Variants in MTA3 observed in about 807,000 individuals in gnomAD.
The protein encoded by MTA3 is metastasis-associated protein MTA3.
In MTA3, 34 loss-of-function variants were observed where a neutral mutation model predicts 83.5. The observed-to-expected ratio is 0.41, with a 90% confidence interval of 0.31 to 0.54. The LOEUF (loss-of-function observed/expected upper bound fraction) is 0.54. MTA3 is among the 20% of genes least tolerant of loss of function. The pLI is 0.33. For synonymous variants in MTA3, 303 were observed against 252.7 expected (o/e 1.20, Z -1.89); for missense variants, 761 against 726.4 (o/e 1.05, Z -0.55).
In MTA3 at chr2:42,614,703, A is replaced by G. The variant is rs112272768; in HGVS notation, c.317+5119A>G. Among the ~76,000 whole-genome samples the G allele has an allele frequency of 1.3e-3, 200 of 152,172 alleles. 1 individual carries two copies. The highest frequency in any genetic ancestry group is 4.4e-3 in the African/African-American group (183 of 41,506). On this transcript the variant is annotated intron_variant, in intron 4 of 16. Coordinates refer to ENST00000405094, the MANE Select transcript of MTA3 (RefSeq NM_001330442.2). ...AATATTCTAATATTCAGCTGGGTGC[A>G]GTGGCTCATGCCTGTAATCCTAGGA... is the stretch of plus-strand genomic sequence containing the variant.
At position 42,627,989 on chromosome 2, in the gene MTA3, AT is replaced by A. The variant is rs1407907288; in HGVS notation, c.318-12182del. 3.3e-5 allele frequency among the ~76,000 whole-genome samples: 5 copies of A among 151,758 alleles called. No individual in the cohort carries two copies. In the South Asian group the frequency reaches 6.2e-4, roughly 19 times the overall value. On this transcript the variant is annotated intron_variant, in intron 4 of 16. Transcript: ENST00000405094. ...AATCTCCGACTCCCGGGTTCAAGTG[AT>A]TCTCCCGCCTCAGCCTCCTAAGTAG... is the stretch of plus-strand genomic sequence containing the variant.
chr2:42,657,786 GC>G (rs1689300665), intron 7 of MTA3, among the ~76,000 whole-genome samples: 1 of 143,084 alleles, frequency 7.0e-6, no homozygotes. Context: ...AAAAAAAAGG[GC>G]CCGGCACAGT....
upstream of MTA3, chr2:42,494,466 G>A (rs1447886809): frequency 6.6e-6 from 1 of 152,318 alleles, no homozygotes; most frequent in Non-Finnish European, 1.5e-5. Context: ...CTCAGGGAAG[G>A]CATCCCAGCC....
chr2:42,597,870 CA>C (rs1682016508), intron 3 of MTA3, among the ~76,000 whole-genome samples: 1 of 149,006 alleles, frequency 6.7e-6, no homozygotes, highest in Non-Finnish European at 1.5e-5. Context: ...TTTGTAGAGA[CA>C]GGGTTTTGCC....
intron 8 of MTA3, among the ~76,000 whole-genome samples, chr2:42,662,809 G>A (rs1460532589): frequency 1.3e-5 from 2 of 149,528 alleles, no homozygotes; most frequent in Non-Finnish European, 3.0e-5. Flanking sequence ...TCGGCTCACT[G>A]CAATCTCCGC....
chr2:42,647,819 G>C (rs1688356311), intron 6 of MTA3, among the ~76,000 whole-genome samples: 1 of 152,152 alleles, frequency 6.6e-6, no homozygotes, highest in Admixed American at 6.5e-5. Flanking sequence ...TCAGGCAACT[G>C]AGTAGATGCA....
At chr2:42,702,952 C>A (rs1347173152) in intron 11 of MTA3, 1 of 152,326 alleles carries the variant, frequency 6.6e-6, no homozygotes, top group Admixed American at 6.5e-5. Flanking sequence ...GTAGATGTCT[C>A]TTCCCCTCCC....
chr2:42,651,001 G>A (rs899718782), intron 6 of MTA3, among the ~76,000 whole-genome samples: 1 of 152,156 alleles, frequency 6.6e-6, no homozygotes, highest in Non-Finnish European at 1.5e-5. Flanking sequence ...GATAGGTGCA[G>A]CTTACTAAAC....
intron 8 of MTA3, among the ~76,000 whole-genome samples, chr2:42,666,884 C>A (rs765516616): frequency 8.5e-5 from 13 of 152,108 alleles, no homozygotes; most frequent in Non-Finnish European, 8.8e-5. Context: ...TGAAATAGGT[C>A]ATTGCAATAT....
At chr2:42,720,936 A>T (rs145278429) in intron 15 of MTA3, among the ~76,000 whole-genome samples, 1 of 140,936 alleles carries the variant, frequency 7.1e-6, no homozygotes, top group South Asian at 2.3e-4. Flanking sequence ...CAAGTGACCA[A>T]TTGAGACCCT....
At chr2:42,603,681 G>T (rs1682856004) in intron 3 of MTA3, among the ~76,000 whole-genome samples, 1 of 152,184 alleles carries the variant, frequency 6.6e-6, no homozygotes, top group South Asian at 2.1e-4. Context: ...TTTAAGGTAA[G>T]ATTTCTTTTG....
Position 42,556,092 on chromosome 2 carries a change from CAA to C in MTA3, c.-140-14335_-140-14334del, listed in dbSNP as rs112915635. Among the ~76,000 whole-genome samples the C allele has an allele frequency of 1.5e-3, 204 of 134,692 alleles. 2 individuals carry two copies. Among genetic ancestry groups the C allele is most frequent in the African/African-American group, 5.2e-3 (193 of 37,332 alleles). 88.4% of individuals were successfully genotyped at this position (134,692 alleles called of 152,430 possible). On this transcript the variant is annotated intron_variant, in intron 2 of 17. Coordinates refer to the MTA3 transcript ENST00000405592. Reference sequence around the variant, plus strand: ...GTCTCAAAAAACAAAAGCAAACAAACAAAAAAAAAAACAAACAAAAAAAGAGA... The same window carrying C: ...GTCTCAAAAAACAAAAGCAAACAAACAAAAAAAAACAAACAAAAAAAGAGA...
chr2:42,541,166 G>A (rs993865816), intron 2 of MTA3, among the ~76,000 whole-genome samples: 4 of 151,936 alleles, frequency 2.6e-5, no homozygotes, highest in Non-Finnish European at 5.9e-5. Flanking sequence ...CTAGTAGCTG[G>A]GATTACAGGC....
intron 4 of MTA3, among the ~76,000 whole-genome samples, chr2:42,623,474 CT>C (rs1685772372): frequency 6.6e-6 from 1 of 152,202 alleles, no homozygotes; most frequent in Admixed American, 6.5e-5. Flanking sequence ...CTTCAGTCCT[CT>C]AGAGGCAGTG....
intron 3 of MTA3, among the ~76,000 whole-genome samples, chr2:42,593,301 A>C (rs1681263145): frequency 6.6e-6 from 1 of 151,932 alleles, no homozygotes; most frequent in Admixed American, 6.6e-5. Context: ...AGCCTGACCA[A>C]CATCGTGCTA....
intron 3 of MTA3, among the ~76,000 whole-genome samples, chr2:42,607,706 T>C (rs144792844): frequency 1.3e-5 from 2 of 152,326 alleles, no homozygotes; most frequent in East Asian, 3.9e-4. Flanking sequence ...ATAATTGATT[T>C]ATCTCACACC....
At chr2:42,631,152 A>G (rs1686632999) in intron 4 of MTA3, among the ~76,000 whole-genome samples, 1 of 152,224 alleles carries the variant, frequency 6.6e-6, no homozygotes, top group Non-Finnish European at 1.5e-5. Flanking sequence ...TGAATTAGCC[A>G]AAAGGGTACT....
chr2:42,543,647 ATTTT>A (rs57792480), intron 2 of MTA3, among the ~76,000 whole-genome samples: 1 of 115,112 alleles, frequency 8.7e-6, no homozygotes, highest in African/African-American at 3.4e-5. Context: ...GAGGTTACTG[ATTTT>A]TTTTTTTTTT....
At chr2:42,612,886 T>A (rs1477867538) in intron 4 of MTA3, among the ~76,000 whole-genome samples, 1 of 151,838 alleles carries the variant, frequency 6.6e-6, no homozygotes, top group Non-Finnish European at 1.5e-5. Flanking sequence ...AAATAAATAA[T>A]GAAAAAGAAG....
Sources: allele counts gnomAD v4.1 joint callset (sites outside exome capture counted in the v4.1 genomes callset), GRCh38; gene constraint gnomAD v4.1.1; transcripts MANE v1.5; gene names NCBI Gene and HGNC (gene_info 2026-07-23, HGNC 2026-07-21).